The following SORCS1 variants were observed in gnomAD, a reference collection of about 807,000 sequenced individuals.
SORCS1 encodes the protein VPS10 domain-containing receptor SorCS1.
Under a neutral mutation model 146.1 loss-of-function variants are expected in SORCS1, and 60 were observed. That is an observed-to-expected ratio of 0.41 (90% CI 0.33 to 0.51). SORCS1 has a LOEUF of 0.51. Among genes scored for constraint, SORCS1 ranks in the 20% least tolerant of loss-of-function variants. The probability of loss-of-function intolerance (pLI) is 0.21; values close to 1 mark genes in which losing one functional copy is unlikely to be tolerated. For synonymous variants in SORCS1, 637 were observed against 584.0 expected (o/e 1.09, Z -1.31); for missense variants, 1,352 against 1,487.6 (o/e 0.91, Z 1.50).
chr10:107,008,879 C>T (rs1262603444), intron 1 of SORCS1, among the ~76,000 whole-genome samples: 4 of 152,214 alleles, frequency 2.6e-5, no homozygotes, highest in African/African-American at 9.6e-5. Context: ...TGCCTGTCGT[C>T]CCAGTTGCTC....
At chr10:106,641,475 T>A (rs144774274) in intron 18 of SORCS1, among the ~76,000 whole-genome samples, 1 of 152,320 alleles carries the variant, frequency 6.6e-6, no homozygotes, top group African/African-American at 2.4e-5. Flanking sequence ...TATGCTAGAA[T>A]TAGGACATGC....
At chr10:106,598,551 C>G (rs577012598) in intron 23 of SORCS1, among the ~76,000 whole-genome samples, 1 of 152,060 alleles carries the variant, frequency 6.6e-6, no homozygotes, top group Non-Finnish European at 1.5e-5. Flanking sequence ...TGAGCCACTG[C>G]GCCCGGCCCA....
chr10:107,053,328 A>G (rs1960301166), intron 1 of SORCS1, among the ~76,000 whole-genome samples: 1 of 152,202 alleles, frequency 6.6e-6, no homozygotes, highest in Non-Finnish European at 1.5e-5. Flanking sequence ...AAATAAGAAC[A>G]GCTTTTAGCA....
chr10:106,677,099 G>A (rs1270134031), intron 13 of SORCS1, among the ~76,000 whole-genome samples: 3 of 152,086 alleles, frequency 2.0e-5, no homozygotes, highest in African/African-American at 7.2e-5. Flanking sequence ...ATCCTTGGCT[G>A]CAGCACCCAC....
chr10:106,660,831 A>G lies in SORCS1; in HGVS notation c.2303+6858T>C, dbSNP rs982375219. 2.8e-4 allele frequency among the ~76,000 whole-genome samples: 42 copies of G among 152,174 alleles called. 1 individual carries two copies. Among genetic ancestry groups the G allele is most frequent in the Non-Finnish European group, 1.8e-4 (12 of 68,002 alleles). On this transcript the variant is annotated intron_variant, in intron 17 of 25. Transcript: ENST00000263054. ...AAGAACTGTCTTTGTACCTTCTTCC[A>G]TGAGGAATTAATGGCCCCTATAAAG...
chr10:106,816,640 T>C (rs897801564), intron 3 of SORCS1, among the ~76,000 whole-genome samples: 3 of 152,240 alleles, frequency 2.0e-5, no homozygotes, highest in South Asian at 4.1e-4. Context: ...TCATTATTTA[T>C]GTTGACACAA....
chr10:106,878,844 T>C (rs973571587), intron 2 of SORCS1, among the ~76,000 whole-genome samples: 1 of 151,560 alleles, frequency 6.6e-6, no homozygotes, highest in African/African-American at 2.4e-5. Flanking sequence ...GAGGAAATAC[T>C]GTATTCTTTT....
intron 4 of SORCS1, among the ~76,000 whole-genome samples, chr10:106,776,090 G>A (rs1860412835): frequency 6.6e-6 from 1 of 152,124 alleles, no homozygotes; most frequent in Non-Finnish European, 1.5e-5. Context: ...TTGTTCCTCT[G>A]GCCATTTCTC....
At position 106,630,122 on chromosome 10, in the gene SORCS1, CTG is replaced by C. The variant is rs368985847; in HGVS notation, c.2476-736_2476-735del. 3.3e-4 allele frequency among the ~76,000 whole-genome samples: 51 copies of C among 152,276 alleles called. No homozygotes were observed. The East Asian group carries it at 8.1e-3, about 24-fold the overall frequency. ...ACATGGTAATGGACCACTCCACTTC[CTG>C]TGTCTTCAAGACCACCCCTCAACCT... On this transcript the variant is annotated intron_variant, in intron 18 of 25. Transcript: ENST00000263054.
At chr10:106,927,484 A>G (rs1953117299) in intron 2 of SORCS1, among the ~76,000 whole-genome samples, 1 of 152,120 alleles carries the variant, frequency 6.6e-6, no homozygotes, top group Admixed American at 6.5e-5. Context: ...AGCAAGACTT[A>G]TTGCAAAGAG....
chr10:106,714,238 A>G (rs1468041637), intron 6 of SORCS1, among the ~76,000 whole-genome samples: 1 of 151,364 alleles, frequency 6.6e-6, no homozygotes, highest in African/African-American at 2.4e-5. Context: ...GCAAAGATTC[A>G]ACAACAAAGA....
intron 2 of SORCS1, among the ~76,000 whole-genome samples, chr10:106,936,102 C>G (rs949027763): frequency 2.6e-5 from 4 of 152,138 alleles, no homozygotes; most frequent in Non-Finnish European, 5.9e-5. Flanking sequence ...GCTATCTATT[C>G]TTAAATACTG....
chr10:106,851,762 T>G (rs1257503794), intron 2 of SORCS1, among the ~76,000 whole-genome samples: 1 of 152,202 alleles, frequency 6.6e-6, no homozygotes, highest in African/African-American at 2.4e-5. Context: ...TTAATTGAGA[T>G]TGTGTTGAAT....
At chr10:106,838,192 TAGAAGATAAAATC>T (rs1293924383) in intron 2 of SORCS1, among the ~76,000 whole-genome samples, 1 of 152,218 alleles carries the variant, frequency 6.6e-6, no homozygotes, top group Non-Finnish European at 1.5e-5. Context: ...CCCCTGCTGT[TAGAAGATAAAATC>T]AGCCGTGTGG....
At chr10:106,928,958 TA>T (rs1266204937) in intron 2 of SORCS1, among the ~76,000 whole-genome samples, 1 of 151,182 alleles carries the variant, frequency 6.6e-6, no homozygotes, top group Non-Finnish European at 1.5e-5. Flanking sequence ...ATTATATATA[TA>T]ATTTTATAGG....
intron 2 of SORCS1, among the ~76,000 whole-genome samples, chr10:106,837,483 AAGACAGTAC>A (rs1948834629): frequency 6.6e-6 from 1 of 151,778 alleles, no homozygotes; most frequent in Non-Finnish European, 1.5e-5. Context: ...TGATTGAATA[AAGACAGTAC>A]TGCTTGACAC....
chr10:106,937,075 T>G (rs539088546), intron 2 of SORCS1, among the ~76,000 whole-genome samples: 74 of 152,264 alleles, frequency 4.9e-4, no homozygotes, highest in Non-Finnish European at 8.8e-4. Flanking sequence ...CATAATCCCA[T>G]GTGTCATGGG....
intron 25 of SORCS1, 153 bp downstream of exon 25, chr10:106,579,216 T>C: frequency 6.2e-7 from 1 of 1,614,156 alleles, no homozygotes; most frequent in Non-Finnish European, 8.5e-7. Context: ...TTTCTCATTC[T>C]GCATCTGGGC....
intron 18 of SORCS1, among the ~76,000 whole-genome samples, chr10:106,643,734 A>C (rs1849224688): frequency 6.6e-6 from 1 of 152,218 alleles, no homozygotes; most frequent in Non-Finnish European, 1.5e-5. Context: ...ATCTGTTCCC[A>C]CATCACTCAA....
Sources: allele counts gnomAD v4.1 joint callset (sites outside exome capture counted in the v4.1 genomes callset), GRCh38; gene constraint gnomAD v4.1.1; transcripts MANE v1.5; gene names NCBI Gene and HGNC (gene_info 2026-07-23, HGNC 2026-07-21).